SPON1: variants seen among roughly 807,000 people sequenced by gnomAD.
SPON1 encodes the protein spondin 1.
In SPON1, 52 loss-of-function variants were observed where a neutral mutation model predicts 111.7. The ratio of observed to expected loss-of-function variants is 0.47; its 90% CI spans 0.37 to 0.59. The LOEUF (loss-of-function observed/expected upper bound fraction) is 0.59, where lower values mean the gene tolerates loss of function less well. SPON1 is among the 20% of genes least tolerant of loss of function. The pLI, the probability that SPON1 is intolerant of heterozygous loss-of-function variation, is 0.00. For missense variants in SPON1, 957 were observed against 1,068.5 expected, an observed-to-expected ratio of 0.90 and a Z score of 1.46; for synonymous variants, 410 against 395.8, an observed-to-expected ratio of 1.04 and a Z score of -0.43.
At chr11:14,169,219 T>C (rs1490790416) in intron 6 of SPON1, among the ~76,000 whole-genome samples, 3 of 152,264 alleles carry the variant, frequency 2.0e-5, no homozygotes, top group Non-Finnish European at 2.9e-5. Context: ...TGGTATCTCA[T>C]TGTGGTTTTG....
Position 14,259,208 on chromosome 11 carries a change from G to C in SPON1, c.1493-72G>C. 2 of 1,473,152 alleles carry C rather than the reference G, an allele frequency of 1.4e-6. No homozygotes were observed. The highest frequency in any genetic ancestry group is 2.2e-5 in the Admixed American group (1 of 44,488). 91.3% of individuals were successfully genotyped at this position (1,473,152 alleles called of 1,614,324 possible). A position where few individuals can be genotyped will look rare whatever the true frequency, so the allele number is the denominator to read the frequency against. ...TCCTCTTGATTCCCGCTGGCGGGAA[G>C]TTCCCACCGCGCAGCCTGGCAGGCG... is the stretch of plus-strand genomic sequence containing the variant. On this transcript the variant is annotated intron_variant, in intron 11 of 15. Transcript: ENST00000576479. The surrounding 1 kb of genome is among the most constrained non-coding windows in gnomAD (Gnocchi z 5.0).
chr11:14,244,348 T>C (rs1848963886), intron 7 of SPON1, among the ~76,000 whole-genome samples: 1 of 151,928 alleles, frequency 6.6e-6, no homozygotes, highest in African/African-American at 2.4e-5. Flanking sequence ...TGAAACTCAG[T>C]CTCTACTAAA....
chr11:13,969,215 CAAAAAAAA>C (rs3047401), intron 1 of SPON1, among the ~76,000 whole-genome samples: 48 of 106,950 alleles, frequency 4.5e-4, no homozygotes, highest in African/African-American at 1.4e-3. Flanking sequence ...CCCATCTCTA[CAAAAAAAA>C]AAAAAAAAAA....
chr11:14,236,070 T>C (rs1285846469), intron 6 of SPON1, among the ~76,000 whole-genome samples: 3 of 152,130 alleles, frequency 2.0e-5, no homozygotes, highest in African/African-American at 7.2e-5. Context: ...AGGTCCTGTC[T>C]GCTGTGAGAT....
intron 6 of SPON1, among the ~76,000 whole-genome samples, chr11:14,144,781 G>A (rs978216439): frequency 6.6e-6 from 1 of 152,128 alleles, no homozygotes; most frequent in Non-Finnish European, 1.5e-5. Context: ...ATTGTGTGAT[G>A]TCATTTTCCC....
intron 3 of SPON1, among the ~76,000 whole-genome samples, chr11:14,046,024 T>C (rs1268292868): frequency 6.6e-6 from 1 of 152,214 alleles, no homozygotes; most frequent in Admixed American, 6.5e-5. Context: ...GTGAATGATA[T>C]GATATTAATA....
intron 2 of SPON1, among the ~76,000 whole-genome samples, chr11:14,007,951 A>G (rs12281467): frequency 0.03 from 4,604 of 152,232 alleles, 242 homozygotes; most frequent in African/African-American, 0.1. Context: ...ATTGCATTTA[A>G]GGCTTCCAGA....
intron 2 of SPON1, among the ~76,000 whole-genome samples, chr11:13,999,779 G>C (rs1264480197): frequency 6.6e-6 from 1 of 152,174 alleles, no homozygotes; most frequent in Non-Finnish European, 1.5e-5. Flanking sequence ...CTTGCTTTTA[G>C]AGAGTATATA....
intron 5 of SPON1, among the ~76,000 whole-genome samples, chr11:14,108,970 G>A (rs1849206339): frequency 6.6e-6 from 1 of 152,108 alleles, no homozygotes; most frequent in African/African-American, 2.4e-5. Flanking sequence ...ATCAAAGCTG[G>A]GAGAAGGTAA....
intron 6 of SPON1, among the ~76,000 whole-genome samples, chr11:14,142,081 T>G (rs1554928844): frequency 6.6e-6 from 1 of 152,180 alleles, no homozygotes; most frequent in African/African-American, 2.4e-5. Flanking sequence ...TGTGTCTCAG[T>G]TCTCTCTTCT....
Position 14,259,369 on chromosome 11 carries a change from G to C in SPON1, c.1582G>C (p.Val528Leu), listed in dbSNP as rs554738758. ...GGGCATGAGGTCCCGGGAGAGGTATGTGAAGCAGTTCCCGGAGGACGGCTC... is the reference window on the plus strand; with the variant it reads ...GGGCATGAGGTCCCGGGAGAGGTATCTGAAGCAGTTCCCGGAGGACGGCTC... ...GMGMRSRERY[V>L]KQFPEDGSVC... Residue 528 changes from valine (V) to leucine (L), a missense_variant, in exon 12 of 16, where the codon GTG becomes CTG. Physicochemically the swap from Val to Leu is conservative, Grantham distance 32. Around this residue, in one of 5 missense-constraint regions of SPON1, gnomAD observed 549 missense variants for 606.2 expected, o/e 0.91. Coordinates refer to ENST00000576479, the MANE Select transcript of SPON1 (RefSeq NM_006108.4). This position sits in a 1 kb window ranked among gnomAD's most constrained non-coding sequence, Gnocchi z 5.0. The C allele has an allele frequency of 4.4e-5, 71 of 1,612,072 alleles. No individual in the cohort carries two copies. The highest frequency in any genetic ancestry group is 3.8e-4 in the Admixed American group (23 of 59,844).
rs1429383230 is a variant in SPON1 at position 14,062,656 on chromosome 11, A to T, written c.480-12689A>T. 2.6e-5 allele frequency among the ~76,000 whole-genome samples: 4 copies of T among 152,372 alleles called. No homozygotes were observed. The East Asian group carries it at 5.8e-4, about 22-fold the overall frequency. On this transcript the variant is annotated intron_variant, in intron 3 of 15. Transcript: ENST00000576479. ...CTTTGGATGGAGAGGCATTAAATAC[A>T]GTGCAAAATGTTATTACCAAAAGAT...
intron 6 of SPON1, among the ~76,000 whole-genome samples, chr11:14,195,432 A>G (rs1333096553): frequency 6.6e-6 from 1 of 152,240 alleles, no homozygotes; most frequent in Non-Finnish European, 1.5e-5. Context: ...CAAAGGACAA[A>G]AGCTGGAATT....
At chr11:13,978,750 T>C (rs966953811) in intron 1 of SPON1, among the ~76,000 whole-genome samples, 7 of 152,142 alleles carry the variant, frequency 4.6e-5, no homozygotes, top group Non-Finnish European at 8.8e-5. Flanking sequence ...ATGGAGGAGC[T>C]TGACCATTCC....
chr11:14,131,006 T>C (rs560843712), intron 5 of SPON1, among the ~76,000 whole-genome samples: 25 of 152,280 alleles, frequency 1.6e-4, no homozygotes, highest in Admixed American at 1.4e-3. Flanking sequence ...CCATATCAGC[T>C]TAATACATGT....
intron 5 of SPON1, among the ~76,000 whole-genome samples, chr11:14,128,788 T>C (rs1564911247): frequency 6.6e-6 from 1 of 152,180 alleles, no homozygotes; most frequent in Non-Finnish European, 1.5e-5. Flanking sequence ...TTTCCATACA[T>C]CCTCTGAAAT....
chr11:13,992,123 A>AG (rs1848235804), intron 2 of SPON1, among the ~76,000 whole-genome samples: 1 of 152,232 alleles, frequency 6.6e-6, no homozygotes, highest in Non-Finnish European at 1.5e-5. Flanking sequence ...CAGAGCCATC[A>AG]GGCAGGGCCT....
intron 5 of SPON1, among the ~76,000 whole-genome samples, chr11:14,126,739 G>C (rs80227383): frequency 0.022 from 3,310 of 152,250 alleles, 122 homozygotes; most frequent in African/African-American, 0.075. Context: ...AAAGACTCCA[G>C]AGGCTCTGAG....
At chr11:14,094,818 A>G (rs1405048406) in intron 5 of SPON1, among the ~76,000 whole-genome samples, 3 of 152,232 alleles carry the variant, frequency 2.0e-5, no homozygotes, top group African/African-American at 7.2e-5. Flanking sequence ...TGCTGAGTGG[A>G]CAGCAGCTTG....
Sources: gnomAD v4.1 joint callset for allele counts (sites outside exome capture counted in the v4.1 genomes callset) on GRCh38, gnomAD v4.1.1 for gene constraint, gnomAD v4.1.1 regional missense constraint, Gnocchi (gnomAD v3.1) non-coding constraint, MANE v1.5 for transcripts, NCBI Gene and HGNC (gene_info 2026-07-23, HGNC 2026-07-21) for gene names.